Variants in DEUP1 observed in about 807,000 individuals in gnomAD.
The protein encoded by DEUP1 is deuterosome assembly protein 1, also known as coiled-coil domain containing 67.
A neutral mutation model predicts 87.4 loss-of-function variants in DEUP1; 82 were observed. The ratio of observed to expected loss-of-function variants is 0.94; its 90% CI spans 0.78 to 1.13. The LOEUF (loss-of-function observed/expected upper bound fraction) is 1.13. DEUP1 is among the 50% of genes most tolerant of loss of function. DEUP1 has a pLI of 0.00. For missense variants in DEUP1, 663 were observed against 681.5 expected (o/e 0.97, Z 0.30); for synonymous variants, 214 against 222.7 (o/e 0.96, Z 0.35).
chr11:93,427,217 T>A (rs1291241506), intron 13 of DEUP1, among the ~76,000 whole-genome samples: 8 of 150,454 alleles, frequency 5.3e-5, no homozygotes, highest in African/African-American at 1.7e-4. Context: ...CTACCTGACT[T>A]CAAACTATAC....
Position 93,394,574 on chromosome 11 carries a change from C to T in DEUP1, c.1157C>T (p.Thr386Ile), listed in dbSNP as rs1946875380. 1 of 1,613,250 alleles carries T rather than the reference C, an allele frequency of 6.2e-7. No homozygotes were observed. Among genetic ancestry groups the T allele is most frequent in the Non-Finnish European group, 8.5e-7 (1 of 1,179,594 alleles). Reference protein sequence around the residue: ...ELHQKEITIATVTKKAALLEK... With the variant: ...ELHQKEITIAIVTKKAALLEK... ...CATCAGAAGGAGATCACTATAGCAACTGTCACAAAGAAAGCTGCCCTTCTG... is the reference window on the plus strand; with the variant it reads ...CATCAGAAGGAGATCACTATAGCAATTGTCACAAAGAAAGCTGCCCTTCTG... The change falls in exon 10 of 14, where the codon ACT (threonine) becomes ATT (isoleucine). Residue 386 changes from threonine to isoleucine, a missense_variant. Physicochemically the swap from Thr to Ile is moderately conservative, Grantham distance 89 (BLOSUM62 -1). Coordinates refer to ENST00000298050, the MANE Select transcript of DEUP1 (RefSeq NM_181645.4).
chr11:93,332,015 T>A (rs142516075), intron 1 of DEUP1, among the ~76,000 whole-genome samples: 5 of 152,292 alleles, frequency 3.3e-5, no homozygotes, highest in African/African-American at 9.6e-5. Context: ...CACTCCAGCC[T>A]GGGCCACAGA....
intron 9 of DEUP1, among the ~76,000 whole-genome samples, chr11:93,394,250 T>A (rs1178745861): frequency 6.6e-6 from 1 of 151,994 alleles, no homozygotes; most frequent in Non-Finnish European, 1.5e-5. Flanking sequence ...AAAATAGAAG[T>A]GAGAAATGAA....
chr11:93,356,619 A>G (rs1944911090), intron 3 of DEUP1, among the ~76,000 whole-genome samples: 1 of 152,158 alleles, frequency 6.6e-6, no homozygotes, highest in Admixed American at 6.6e-5. Context: ...GCTGAATTAT[A>G]TTGGTAGAGG....
In DEUP1 at chr11:93,371,151, T is replaced by C. The variant is rs1224173721; in HGVS notation, c.660T>C (p.Asn220=). The C allele has an allele frequency of 6.2e-7, 1 of 1,613,182 alleles. No homozygotes were observed. Residue 220 remains asparagine, a synonymous_variant, in exon 7 of 14, where the codon AAT becomes AAC. Coordinates refer to ENST00000298050, the MANE Select transcript of DEUP1 (RefSeq NM_181645.4). ...ICDPDPNCEI[N]ERDEFIIEKL... is the part of the protein sequence containing the mutation. ...ACCCAGATCCCAATTGTGAAATCAA[T>C]GAAAGAGATGAGTTCATTATTGAAA...
chr11:93,350,775 C>T (rs531358025), intron 2 of DEUP1, among the ~76,000 whole-genome samples: 52 of 151,738 alleles, frequency 3.4e-4, no homozygotes, highest in African/African-American at 1.2e-3. Flanking sequence ...CATGATGAAA[C>T]CCCGTCTCTA....
chr11:93,363,883 T>A (rs372836586), intron 4 of DEUP1, among the ~76,000 whole-genome samples: 2 of 151,948 alleles, frequency 1.3e-5, no homozygotes, highest in Non-Finnish European at 2.9e-5. Context: ...TTGCTGCATA[T>A]GATTAAAACA....
chr11:93,374,892 A>T (rs1333276753), intron 7 of DEUP1, among the ~76,000 whole-genome samples: 2 of 151,918 alleles, frequency 1.3e-5, no homozygotes, highest in Non-Finnish European at 2.9e-5. Context: ...CACAATATTG[A>T]TTCTACCCAT....
At chr11:93,379,484 T>C (rs979493585) in intron 7 of DEUP1, among the ~76,000 whole-genome samples, 1 of 152,102 alleles carries the variant, frequency 6.6e-6, no homozygotes, top group African/African-American at 2.4e-5. Flanking sequence ...ATCTCTACTC[T>C]CCCTCCAAAT....
At chr11:93,363,419 G>A (rs1284144955) in intron 4 of DEUP1, among the ~76,000 whole-genome samples, 1 of 151,728 alleles carries the variant, frequency 6.6e-6, no homozygotes, top group African/African-American at 2.4e-5. Flanking sequence ...TGTAAATATT[G>A]GGGGAAACTG....
intron 13 of DEUP1, among the ~76,000 whole-genome samples, chr11:93,415,419 G>A (rs922587598): frequency 1.3e-5 from 2 of 152,016 alleles, no homozygotes; most frequent in African/African-American, 4.8e-5. Context: ...TATTCCATGA[G>A]TCCTCAAGGA....
Position 93,437,521 on chromosome 11 carries a change from TTTTC to T in DEUP1, c.1639-12_1639-9del. On this transcript the variant is annotated intron_variant, in intron 13 of 13. Transcript: ENST00000298050. ...TTAAAGCTCTGTATTCCTCACTCAC[TTTTC>T]TTTCTTTCTCTCTTTAGTCTCCCCC... 1.3e-6 allele frequency: 2 copies of T among 1,587,288 alleles called. No homozygotes were observed. The highest frequency in any genetic ancestry group is 1.7e-6 in the Non-Finnish European group (2 of 1,167,410).
chr11:93,371,646 G>A (rs1272299083), intron 7 of DEUP1, among the ~76,000 whole-genome samples: 1 of 152,112 alleles, frequency 6.6e-6, no homozygotes, highest in Non-Finnish European at 1.5e-5. Flanking sequence ...ACAGGAAATC[G>A]TGAAGGGTTC....
intron 2 of DEUP1, among the ~76,000 whole-genome samples, chr11:93,346,751 T>C (rs528517247): frequency 7.9e-4 from 120 of 152,304 alleles, no homozygotes; most frequent in African/African-American, 2.8e-3. Context: ...ATTGTAGAGA[T>C]CTTCCAGTTC....
chr11:93,408,506 A>C, intron 12 of DEUP1, 79 bp downstream of exon 12: 1 of 911,406 alleles, frequency 1.1e-6, no homozygotes, highest in Non-Finnish European at 1.6e-6. Flanking sequence ...TCAAATTATA[A>C]CTTTATACGC....
At chr11:93,385,367 G>C in intron 7 of DEUP1, 31 bp from the exon 8 acceptor site, 2 of 1,608,150 alleles carry the variant, frequency 1.2e-6, no homozygotes, top group Non-Finnish European at 1.7e-6. Context: ...AACCAACAAT[G>C]AGCATGAAAT....
At chr11:93,379,565 G>A (rs541911833) in intron 7 of DEUP1, among the ~76,000 whole-genome samples, 2 of 152,312 alleles carry the variant, frequency 1.3e-5, no homozygotes, top group East Asian at 3.9e-4. Flanking sequence ...GAGGGAGAGT[G>A]CATGCAACTT....
At chr11:93,418,598 T>C (rs1947735296) in intron 13 of DEUP1, among the ~76,000 whole-genome samples, 1 of 151,638 alleles carries the variant, frequency 6.6e-6, no homozygotes, top group African/African-American at 2.4e-5. Flanking sequence ...TGTAAACTAG[T>C]TCAACCATTG....
chr11:93,393,087 C>CTTT (rs1228305437), intron 9 of DEUP1, among the ~76,000 whole-genome samples: 1,226 of 94,544 alleles, frequency 0.013, 101 homozygotes, highest in Non-Finnish European at 0.017. Flanking sequence ...CTTCCTCCTT[C>CTTT]TTTTTTTTTT....
Sources: allele counts gnomAD v4.1 joint callset (sites outside exome capture counted in the v4.1 genomes callset), GRCh38; gene constraint gnomAD v4.1.1; transcripts MANE v1.5; gene names NCBI Gene and HGNC (gene_info 2026-07-23, HGNC 2026-07-21).